Variants in MAGI2 observed in about 807,000 individuals in gnomAD.
MAGI2 encodes the protein membrane-associated guanylate kinase, WW and PDZ domain-containing protein 2.
MAGI2 carries 35 observed loss-of-function variants against 133.3 expected under a neutral mutation model. The observed-to-expected ratio is 0.26, with a 90% CI of 0.20 to 0.35. The LOEUF (loss-of-function observed/expected upper bound fraction) is 0.35. MAGI2 is among the 10% of genes least tolerant of loss of function. The probability of loss-of-function intolerance (pLI) is 1.00; values close to 1 mark genes in which losing one functional copy is unlikely to be tolerated. For missense variants in MAGI2, 1,636 were observed against 1,863.4 expected, an observed-to-expected ratio of 0.88 and a Z score of 2.25; for synonymous variants, 729 against 710.6, an observed-to-expected ratio of 1.03 and a Z score of -0.41.
chr7:78,099,656 C>T (rs959597835), intron 20 of MAGI2, among the ~76,000 whole-genome samples: 2 of 152,178 alleles, frequency 1.3e-5, no homozygotes, highest in South Asian at 2.1e-4. Context: ...ATTCACCTTG[C>T]TGCACCAAGA....
At chr7:78,188,632 G>A (rs998728977) in intron 12 of MAGI2, among the ~76,000 whole-genome samples, 3 of 152,030 alleles carry the variant, frequency 2.0e-5, no homozygotes, top group Non-Finnish European at 4.4e-5. Context: ...ACATACGTGG[G>A]GGGTACTTTA....
intron 1 of MAGI2, among the ~76,000 whole-genome samples, chr7:79,060,461 A>G (rs1269072953): frequency 6.6e-6 from 1 of 152,176 alleles, no homozygotes; most frequent in Non-Finnish European, 1.5e-5. Context: ...TAGGTCAATC[A>G]GATAGTATCA....
intron 1 of MAGI2, among the ~76,000 whole-genome samples, chr7:79,171,766 ATATAT>A (rs1306159750): frequency 2.6e-3 from 61 of 23,264 alleles, no homozygotes; most frequent in African/African-American, 5.4e-3. Flanking sequence ...ATATATATAT[ATATAT>A]TTTTTTTTTT....
At chr7:79,115,854 G>GTTT (rs59398227) in intron 1 of MAGI2, among the ~76,000 whole-genome samples, 1,096 of 93,888 alleles carry the variant, frequency 0.012, 58 homozygotes, top group African/African-American at 0.045. Context: ...ATGTTTTAAA[G>GTTT]TTTTTTTTTT....
At chr7:78,396,112 A>T (rs1796321904) in intron 6 of MAGI2, among the ~76,000 whole-genome samples, 1 of 152,204 alleles carries the variant, frequency 6.6e-6, no homozygotes, top group South Asian at 2.1e-4. Flanking sequence ...GACAATTTGG[A>T]GAGGGTGCAC....
At chr7:78,629,793 C>T (rs1472539798) in intron 2 of MAGI2, among the ~76,000 whole-genome samples, 1 of 152,090 alleles carries the variant, frequency 6.6e-6, no homozygotes, top group African/African-American at 2.4e-5. Context: ...GACATGAGCT[C>T]ATTCTTTCTT....
At chr7:78,942,357 G>T (rs1801053883) in intron 2 of MAGI2, among the ~76,000 whole-genome samples, 1 of 151,964 alleles carries the variant, frequency 6.6e-6, no homozygotes, top group East Asian at 1.9e-4. Context: ...AAAAAATCTT[G>T]AAAAATAAGT....
chr7:79,238,128 T>C (rs899925935), intron 1 of MAGI2, among the ~76,000 whole-genome samples: 7 of 152,158 alleles, frequency 4.6e-5, no homozygotes, highest in African/African-American at 1.7e-4. Context: ...CTTAACACAT[T>C]CAAATTTGCT....
At chr7:79,360,103 C>A (rs573316499) in intron 1 of MAGI2, among the ~76,000 whole-genome samples, 6 of 152,122 alleles carry the variant, frequency 3.9e-5, no homozygotes, top group African/African-American at 7.2e-5. Flanking sequence ...ACAATGTTAA[C>A]ATCACACAAG....
At chr7:78,293,391 T>A (rs1796919378) in intron 9 of MAGI2, among the ~76,000 whole-genome samples, 3 of 152,132 alleles carry the variant, frequency 2.0e-5, no homozygotes, top group Admixed American at 2.0e-4. Flanking sequence ...TGAGATACCA[T>A]CTCACACCAG....
At chr7:79,372,786 T>C (rs759824929) in intron 1 of MAGI2, among the ~76,000 whole-genome samples, 1 of 152,052 alleles carries the variant, frequency 6.6e-6, no homozygotes, top group Non-Finnish European at 1.5e-5. Context: ...AAGTACTGTT[T>C]AGTCAAGACT....
intron 2 of MAGI2, among the ~76,000 whole-genome samples, chr7:78,651,969 T>C (rs1433968622): frequency 1.3e-5 from 2 of 152,070 alleles, no homozygotes; most frequent in Non-Finnish European, 2.9e-5. Flanking sequence ...GTAAACACCA[T>C]TGAAACATCA....
intron 6 of MAGI2, among the ~76,000 whole-genome samples, chr7:78,427,120 G>C (rs12532329): frequency 6.6e-6 from 1 of 151,766 alleles, no homozygotes; most frequent in Non-Finnish European, 1.5e-5. Context: ...AAAAGCCATA[G>C]CTAAAAATTC....
At chr7:79,024,362 T>C (rs1038618263) in intron 1 of MAGI2, among the ~76,000 whole-genome samples, 1 of 151,652 alleles carries the variant, frequency 6.6e-6, no homozygotes, top group Non-Finnish European at 1.5e-5. Context: ...AAGTCTAAAA[T>C]CAAAAACTAT....
chr7:78,032,729 G>A (rs1809720800), intron 21 of MAGI2, among the ~76,000 whole-genome samples: 1 of 152,130 alleles, frequency 6.6e-6, no homozygotes, highest in Non-Finnish European at 1.5e-5. Context: ...AAAGTGGTGG[G>A]TGTTGTTTTA....
At chr7:79,235,135 G>A (rs1236205434) in intron 1 of MAGI2, among the ~76,000 whole-genome samples, 1 of 151,954 alleles carries the variant, frequency 6.6e-6, no homozygotes, top group Non-Finnish European at 1.5e-5. Context: ...CCCACTTGAG[G>A]AGGCAGTCTG....
At chr7:79,294,309 C>T (rs182117633) in intron 1 of MAGI2, among the ~76,000 whole-genome samples, 2 of 151,814 alleles carry the variant, frequency 1.3e-5, no homozygotes, top group East Asian at 1.9e-4. Context: ...ATTAGGCTTG[C>T]GGACACATAG....
chr7:79,379,371 T>A (rs1843627068), intron 1 of MAGI2, among the ~76,000 whole-genome samples: 1 of 151,930 alleles, frequency 6.6e-6, no homozygotes, highest in South Asian at 2.1e-4. Flanking sequence ...TTGATGGGCA[T>A]TTGGGTTGGT....
intron 1 of MAGI2, among the ~76,000 whole-genome samples, chr7:79,377,295 G>A (rs1052391179): frequency 6.6e-6 from 1 of 151,748 alleles, no homozygotes; most frequent in African/African-American, 2.4e-5. Context: ...CAGCACAATA[G>A]GAAACTTGAA....
Sources: gnomAD v4.1 joint callset for allele counts (sites outside exome capture counted in the v4.1 genomes callset) on GRCh38, gnomAD v4.1.1 for gene constraint, MANE v1.5 for transcripts, NCBI Gene and HGNC (gene_info 2026-07-23, HGNC 2026-07-21) for gene names.